Variants in CTNNA3 observed in about 807,000 individuals in gnomAD.
CTNNA3 encodes the protein catenin alpha-3.
A neutral mutation model predicts 95.7 loss-of-function variants in CTNNA3; 76 were observed. The ratio of observed to expected loss-of-function variants is 0.79; its 90% CI spans 0.66 to 0.96. CTNNA3 has a LOEUF of 0.96. Among genes scored for constraint, CTNNA3 ranks in the 40% least tolerant of loss-of-function variants. CTNNA3 has a pLI of 0.00. For synonymous variants in CTNNA3, 431 were observed against 374.4 expected, an observed-to-expected ratio of 1.15 and a Z score of -1.74; for missense variants, 1,191 against 1,089.8, an observed-to-expected ratio of 1.09 and a Z score of -1.31.
At chr10:66,499,800 C>A (rs1365284084) in intron 11 of CTNNA3, among the ~76,000 whole-genome samples, 1 of 137,938 alleles carries the variant, frequency 7.2e-6, no homozygotes, top group Non-Finnish European at 1.6e-5. Context: ...TTAACAGTTG[C>A]ATTTCCTTTT....
At position 65,919,708 on chromosome 10, in the gene CTNNA3, A is replaced by G. The variant is rs2077053308; in HGVS notation, c.*622T>C. 6.6e-6 allele frequency: 1 copy of G among 152,294 alleles called. No homozygotes were observed. The highest frequency in any genetic ancestry group is 1.5e-5 in the Non-Finnish European group (1 of 68,102). The allele number at this position is 152,294 out of a possible 1,614,324, so 9.4% of individuals were successfully genotyped here. ...TTATTAATAAACAAGGTTGACCTTC[A>G]AAATCCAGCAAGTAGCCTAACTATT... On this transcript the variant is annotated 3_prime_UTR_variant, in exon 18 of 18. Coordinates refer to ENST00000433211, the MANE Select transcript of CTNNA3 (RefSeq NM_013266.4).
At chr10:66,166,120 A>T (rs1404482658) in intron 13 of CTNNA3, among the ~76,000 whole-genome samples, 1 of 152,096 alleles carries the variant, frequency 6.6e-6, no homozygotes, top group Non-Finnish European at 1.5e-5. Flanking sequence ...TGAACCTCAA[A>T]CAAAACCTTC....
chr10:67,499,081 T>C (rs1323031575), intron 5 of CTNNA3, among the ~76,000 whole-genome samples: 1 of 152,218 alleles, frequency 6.6e-6, no homozygotes, highest in Non-Finnish European at 1.5e-5. Flanking sequence ...TTGTCATAAA[T>C]AGCTCTTACT....
At chr10:67,672,047 C>T (rs1416759120) in intron 1 of CTNNA3, among the ~76,000 whole-genome samples, 4 of 152,152 alleles carry the variant, frequency 2.6e-5, no homozygotes, top group Non-Finnish European at 5.9e-5. Context: ...TTGATGATCG[C>T]CATTCTAACT....
intron 11 of CTNNA3, among the ~76,000 whole-genome samples, chr10:66,421,589 A>T (rs1216674319): frequency 2.0e-5 from 3 of 152,002 alleles, no homozygotes; most frequent in Admixed American, 6.6e-5. Flanking sequence ...TCACACCTGT[A>T]TTCCCAGCAC....
intron 7 of CTNNA3, chr10:67,098,541 T>C (rs1858150182): frequency 6.6e-6 from 1 of 152,272 alleles, no homozygotes; most frequent in South Asian, 2.1e-4. Context: ...TTCTAAGCAG[T>C]GAAATGTAAT....
chr10:66,996,927 A>C (rs1851387517), intron 7 of CTNNA3, among the ~76,000 whole-genome samples: 1 of 152,100 alleles, frequency 6.6e-6, no homozygotes, highest in African/African-American at 2.4e-5. Context: ...TGTGAGTACT[A>C]CTGGTTTGTG....
intron 7 of CTNNA3, among the ~76,000 whole-genome samples, chr10:67,059,176 T>C (rs1299242693): frequency 6.6e-6 from 1 of 152,114 alleles, no homozygotes; most frequent in Admixed American, 6.5e-5. Flanking sequence ...TAACATAACA[T>C]CCACTTTCTA....
chr10:67,012,544 C>T (rs1470684978), intron 7 of CTNNA3, among the ~76,000 whole-genome samples: 1 of 152,126 alleles, frequency 6.6e-6, no homozygotes, highest in Non-Finnish European at 1.5e-5. Context: ...TTTCAAAAAG[C>T]ATCATTGTTC....
chr10:67,393,339 C>T (rs1338332566), intron 5 of CTNNA3, among the ~76,000 whole-genome samples: 1 of 152,130 alleles, frequency 6.6e-6, no homozygotes, highest in Non-Finnish European at 1.5e-5. Flanking sequence ...CTAATCTTGC[C>T]ATGATTTTCT....
At chr10:67,596,877 C>G (rs1165330509) in intron 3 of CTNNA3, among the ~76,000 whole-genome samples, 2 of 152,212 alleles carry the variant, frequency 1.3e-5, no homozygotes, top group African/African-American at 4.8e-5. Flanking sequence ...GGCATTCTCT[C>G]TTTCCCTCTC....
At chr10:67,055,030 T>C (rs771492935) in intron 7 of CTNNA3, 2 of 151,828 alleles carry the variant, frequency 1.3e-5, no homozygotes, top group Non-Finnish European at 2.9e-5. Flanking sequence ...ATAAAGAGAC[T>C]CATTAACCAG....
At chr10:67,328,297 G>A (rs1841634257) in intron 5 of CTNNA3, among the ~76,000 whole-genome samples, 1 of 152,268 alleles carries the variant, frequency 6.6e-6, no homozygotes, top group East Asian at 1.9e-4. Flanking sequence ...TGGGACCCCA[G>A]GGCACCCGAG....
chr10:66,948,686 C>T (rs1280340782), intron 7 of CTNNA3, among the ~76,000 whole-genome samples: 4 of 152,042 alleles, frequency 2.6e-5, no homozygotes. Flanking sequence ...ACTGGTAAAC[C>T]ACATATGCAA....
chr10:67,335,865 T>G (rs982888207), intron 5 of CTNNA3, among the ~76,000 whole-genome samples: 2 of 152,132 alleles, frequency 1.3e-5, no homozygotes, highest in Admixed American at 1.3e-4. Flanking sequence ...GTGCCTCACT[T>G]TATGGCACCT....
At chr10:66,373,899 T>A (rs1004476785) in intron 12 of CTNNA3, among the ~76,000 whole-genome samples, 28 of 152,244 alleles carry the variant, frequency 1.8e-4, no homozygotes, top group African/African-American at 6.5e-4. Context: ...CCCCAAGTTT[T>A]CTGGAAGTGG....
chr10:67,380,410 A>G (rs1157146649), intron 5 of CTNNA3, among the ~76,000 whole-genome samples: 1 of 152,234 alleles, frequency 6.6e-6, no homozygotes, highest in Non-Finnish European at 1.5e-5. Context: ...GATTAACTGT[A>G]ATCTTCCAAG....
intron 12 of CTNNA3, among the ~76,000 whole-genome samples, chr10:66,349,681 T>C (rs1414905384): frequency 6.6e-6 from 1 of 151,996 alleles, no homozygotes; most frequent in Non-Finnish European, 1.5e-5. Flanking sequence ...ATGAGAAAAA[T>C]ACCCAAAGAG....
chr10:66,486,635 A>G (rs895257461), intron 11 of CTNNA3, among the ~76,000 whole-genome samples: 1 of 152,156 alleles, frequency 6.6e-6, no homozygotes, highest in African/African-American at 2.4e-5. Context: ...ACAGTATAGA[A>G]GTCAAAAAAA....
Sources: allele counts gnomAD v4.1 joint callset (sites outside exome capture counted in the v4.1 genomes callset), GRCh38; gene constraint gnomAD v4.1.1; transcripts MANE v1.5; gene names NCBI Gene and HGNC (gene_info 2026-07-23, HGNC 2026-07-21).